Variants in RASSF3 observed in about 807,000 individuals in gnomAD.
RASSF3 encodes ras association domain-containing protein 3.
A neutral mutation model predicts 19.9 loss-of-function variants in RASSF3; 19 were observed. The observed-to-expected ratio is 0.96, with a 90% confidence interval of 0.67 to 1.40. The LOEUF is 1.40. Among genes scored for constraint, RASSF3 ranks in the 40% most tolerant of loss-of-function variants. RASSF3 has a pLI of 0.00. For synonymous variants in RASSF3, 110 were observed against 104.2 expected (o/e 1.06, Z -0.34); for missense variants, 306 against 289.8 (o/e 1.06, Z -0.41).
intron 1 of RASSF3, among the ~76,000 whole-genome samples, chr12:64,518,933 C>T (rs984784214): frequency 6.6e-6 from 1 of 152,086 alleles, no homozygotes; most frequent in African/African-American, 2.4e-5. Context: ...GATGGGGATA[C>T]CTTTATTACC....
intron 2 of RASSF3, among the ~76,000 whole-genome samples, chr12:64,583,717 T>A (rs544450598): frequency 6.6e-6 from 1 of 152,250 alleles, no homozygotes; most frequent in East Asian, 1.9e-4. Flanking sequence ...TCGGTTTCCA[T>A]CCAACTCCTC....
intron 1 of RASSF3, among the ~76,000 whole-genome samples, chr12:64,618,611 G>A (rs1223057002): frequency 6.6e-6 from 1 of 152,154 alleles, no homozygotes; most frequent in Non-Finnish European, 1.5e-5. Context: ...ACAGGCGTGA[G>A]CCACCACGCC....
intron 1 of RASSF3, among the ~76,000 whole-genome samples, chr12:64,679,320 A>G (rs1487969935): frequency 6.6e-6 from 1 of 152,162 alleles, no homozygotes; most frequent in Non-Finnish European, 1.5e-5. Flanking sequence ...TGGCCTCCCA[A>G]AGTGTTGGGA....
rs537892233 is a variant in RASSF3 at position 64,680,695 on chromosome 12, T to C, written c.112-4092T>C. On this transcript the variant is annotated intron_variant, in intron 1 of 4. Transcript: ENST00000542104. ...ATGGCGTGATCTCGGCTTACTGCGA[T>C]CTCCGCCTCCCGGTTTCAAGCGATT... Among the ~76,000 whole-genome samples, 458 of 151,960 alleles carry C rather than the reference T, an allele frequency of 3.0e-3. 3 individuals are homozygous for C. The highest frequency in any genetic ancestry group is 0.011 in the African/African-American group (442 of 41,428).
chr12:64,544,752 C>A (rs917790215), downstream of RASSF3, among the ~76,000 whole-genome samples: 1 of 152,184 alleles, frequency 6.6e-6, no homozygotes, highest in African/African-American at 2.4e-5. Flanking sequence ...ATTTATCCTT[C>A]CTGCATATGG....
chr12:64,636,911 C>T (rs1408447300), intron 1 of RASSF3, among the ~76,000 whole-genome samples: 1 of 150,960 alleles, frequency 6.6e-6, no homozygotes, highest in Non-Finnish European at 1.5e-5. Flanking sequence ...CTTACTGGCA[C>T]ACTGGGATTC....
At chr12:64,565,492 C>T (rs11834344) in intron 2 of RASSF3, among the ~76,000 whole-genome samples, 11,718 of 152,202 alleles carry the variant, frequency 0.077, 533 homozygotes, top group South Asian at 0.13. Flanking sequence ...GGAGGTGGAT[C>T]ACCTGAGGTC....
intron 1 of RASSF3, among the ~76,000 whole-genome samples, chr12:64,630,349 GA>G (rs1871133473): frequency 6.6e-6 from 1 of 151,992 alleles, no homozygotes; most frequent in African/African-American, 2.4e-5. Flanking sequence ...AACAGAGCGA[GA>G]CATTGTCTTT....
chr12:64,603,140 A>G (rs1870125379), intron 2 of RASSF3, among the ~76,000 whole-genome samples: 1 of 151,690 alleles, frequency 6.6e-6, no homozygotes, highest in Non-Finnish European at 1.5e-5. Context: ...TAGCTCTTCA[A>G]TTTATCTGTT....
intron 1 of RASSF3, among the ~76,000 whole-genome samples, chr12:64,637,621 G>A (rs1871368079): frequency 6.6e-6 from 1 of 151,408 alleles, no homozygotes; most frequent in South Asian, 2.1e-4. Flanking sequence ...GTAGAGACAG[G>A]GTTTCACCAT....
intron 1 of RASSF3, among the ~76,000 whole-genome samples, chr12:64,526,196 C>A (rs2141765): frequency 0.44 from 67,261 of 152,016 alleles, 16,193 homozygotes; most frequent in East Asian, 0.88. Context: ...ACAGATAAAA[C>A]TTATATACAT....
At chr12:64,614,577 G>C (rs1870488512) in intron 1 of RASSF3, among the ~76,000 whole-genome samples, 1 of 152,054 alleles carries the variant, frequency 6.6e-6, no homozygotes, top group Admixed American at 6.6e-5. Context: ...CAGGTTTTCA[G>C]ACTCAAATTA....
At chr12:64,543,440 CCGT>C (rs1379347733), downstream of RASSF3, among the ~76,000 whole-genome samples, 3 of 58,932 alleles carry the variant, frequency 5.1e-5, no homozygotes, top group African/African-American at 3.8e-4. Flanking sequence ...CCCGCCCCCC[CCGT>C]GCCCGCCCGC....
chr12:64,509,074 G>C (rs1469855109), intron 1 of RASSF3, among the ~76,000 whole-genome samples: 1 of 151,926 alleles, frequency 6.6e-6, no homozygotes, highest in Non-Finnish European at 1.5e-5. Flanking sequence ...CCATTCTTCA[G>C]ATATGGATTA....
intron 2 of RASSF3, among the ~76,000 whole-genome samples, chr12:64,579,437 C>T (rs553758060): frequency 2.2e-4 from 33 of 150,642 alleles, no homozygotes; most frequent in Non-Finnish European, 3.4e-4. Flanking sequence ...CTGCCACCTC[C>T]GCCTCCTGGT....
chr12:64,649,341 C>T (rs982694478), intron 1 of RASSF3, among the ~76,000 whole-genome samples: 7 of 151,736 alleles, frequency 4.6e-5, no homozygotes, highest in East Asian at 1.9e-4. Flanking sequence ...TACAGGCACC[C>T]GCCACCACAC....
intron 2 of RASSF3, among the ~76,000 whole-genome samples, chr12:64,564,099 T>C (rs1280794200): frequency 6.6e-6 from 1 of 152,196 alleles, no homozygotes; most frequent in East Asian, 1.9e-4. Flanking sequence ...ATTTTGATCA[T>C]TGACATAAAT....
At chr12:64,579,630 C>T (rs1421178350) in intron 2 of RASSF3, among the ~76,000 whole-genome samples, 2 of 152,022 alleles carry the variant, frequency 1.3e-5, no homozygotes, top group Admixed American at 6.6e-5. Flanking sequence ...GGATTACAGG[C>T]GTGAGCCACC....
Position 64,511,646 on chromosome 12 carries a change from G to A in RASSF3, c.169+4317G>A, listed in dbSNP as rs1283925817. Among the ~76,000 whole-genome samples the A allele has an allele frequency of 5.3e-5, 8 of 152,016 alleles. No individual in the cohort carries two copies. In the East Asian group the frequency reaches 1.5e-3, roughly 29 times the overall value. On this transcript the variant is annotated intron_variant, in intron 1 of 5. Coordinates refer to the RASSF3 transcript ENST00000637125. ...GTCATCCTGGTCATTTAATTTCTGT[G>A]GTAAGGACATCACTTTCACAGCCTA...
Sources: allele counts gnomAD v4.1 joint callset (sites outside exome capture counted in the v4.1 genomes callset), GRCh38; gene constraint gnomAD v4.1.1; transcripts MANE v1.5; gene names NCBI Gene and HGNC (gene_info 2026-07-23, HGNC 2026-07-21).